Variants in TCF12 observed in about 807,000 individuals in gnomAD.
TCF12 encodes the protein DNA-binding protein HTF4.
Under a neutral mutation model 86.0 loss-of-function variants are expected in TCF12, and 45 were observed. The observed-to-expected ratio is 0.52, with a 90% CI of 0.41 to 0.67. The LOEUF is 0.67. TCF12 is among the 30% of genes least tolerant of loss of function. The probability of loss-of-function intolerance (pLI) is 0.00; values close to 1 mark genes in which losing one functional copy is unlikely to be tolerated. For missense variants in TCF12, 881 were observed against 859.9 expected (o/e 1.02, Z -0.31); for synonymous variants, 330 against 299.6 (o/e 1.10, Z -1.05).
At chr15:57,230,459 T>A (rs1190401321) in intron 8 of TCF12, among the ~76,000 whole-genome samples, 1 of 152,004 alleles carries the variant, frequency 6.6e-6, no homozygotes, top group Non-Finnish European at 1.5e-5. Context: ...GGAATGCAAA[T>A]GTTGGCCATT....
chr15:57,197,903 C>T (rs1169923696), intron 8 of TCF12, 78 bp downstream of exon 8: 2 of 1,435,146 alleles, frequency 1.4e-6, no homozygotes. Context: ...TACAAGGGTA[C>T]ATTCGATTGA....
At chr15:56,968,115 C>G (rs1595894043) in intron 3 of TCF12, among the ~76,000 whole-genome samples, 1 of 152,108 alleles carries the variant, frequency 6.6e-6, no homozygotes. Flanking sequence ...TGCCACAACG[C>G]CTGGCTAATT....
At chr15:57,237,440 C>A (rs1013588054) in intron 12 of TCF12, among the ~76,000 whole-genome samples, 1 of 152,030 alleles carries the variant, frequency 6.6e-6, no homozygotes, top group Non-Finnish European at 1.5e-5. Flanking sequence ...CTTATTGGCA[C>A]CCTGCTGATT....
chr15:56,989,782 A>G (rs2063353962), intron 3 of TCF12, among the ~76,000 whole-genome samples: 1 of 152,212 alleles, frequency 6.6e-6, no homozygotes, highest in South Asian at 2.1e-4. Flanking sequence ...CACCCTCTTC[A>G]GGAAACAGGA....
chr15:57,104,435 CTTTTTTTT>C (rs71113062), intron 5 of TCF12, among the ~76,000 whole-genome samples: 1 of 103,342 alleles, frequency 9.7e-6, no homozygotes, highest in East Asian at 2.8e-4. Context: ...TTTTTTTTTT[CTTTTTTTT>C]TTTTTTTTTT....
chr15:57,049,136 G>A (rs2067440011), intron 3 of TCF12, among the ~76,000 whole-genome samples: 1 of 152,182 alleles, frequency 6.6e-6, no homozygotes, highest in Non-Finnish European at 1.5e-5. Flanking sequence ...CCCACTTGCA[G>A]CAATTTGGGA....
intron 3 of TCF12, among the ~76,000 whole-genome samples, chr15:56,969,700 G>A (rs1367710951): frequency 2.6e-5 from 4 of 152,020 alleles, no homozygotes; most frequent in South Asian, 2.1e-4. Flanking sequence ...ACTGCACCTC[G>A]CCCATTTGGA....
intron 3 of TCF12, among the ~76,000 whole-genome samples, chr15:57,018,391 T>C (rs1442423975): frequency 6.6e-6 from 1 of 152,208 alleles, no homozygotes; most frequent in Non-Finnish European, 1.5e-5. Flanking sequence ...ACTGCATAGC[T>C]CAAGAGGCAG....
rs2062025567 is a variant in TCF12, at chr15:57,289,199, T to G, written c.*3054T>G. On this transcript the variant is annotated 3_prime_UTR_variant, in exon 21 of 21. Transcript: ENST00000333725. ...TATGAAATCCACTGTTCACATTGGG[T>G]GCCTAACAGAACATTTTGCTTCTTG... 2 of 152,230 alleles carry G rather than the reference T, an allele frequency of 1.3e-5. No homozygotes were observed. 9.4% of individuals were successfully genotyped at this position (152,230 alleles called of 1,614,324 possible). A position where few individuals can be genotyped will look rare whatever the true frequency, so the allele number is the denominator to read the frequency against.
intron 3 of TCF12, among the ~76,000 whole-genome samples, chr15:56,922,126 T>G (rs2059821938): frequency 6.6e-6 from 1 of 151,884 alleles, no homozygotes. Context: ...AATTGTTACT[T>G]TTTGGGGAGG....
intron 11 of TCF12, among the ~76,000 whole-genome samples, chr15:57,233,058 T>G (rs2059221399): frequency 1.6e-5 from 2 of 123,058 alleles, no homozygotes. Context: ...GTATATGTGT[T>G]ATATATGTAT....
At position 56,919,868 on chromosome 15, in the gene TCF12, C is replaced by G. The variant is rs769373698; in HGVS notation, c.-22-24C>G. 1.2e-6 allele frequency: 2 copies of G among 1,608,008 alleles called. 1 individual carries two copies. Among genetic ancestry groups the G allele is most frequent in the Middle Eastern group, 3.3e-4 (2 of 6,074 alleles). Reference sequence around the variant, plus strand: ...CACTTTGGGCCTCGGTGGTCTCTCGCTGAGCCCGTTTCCTCTGCCCTAGGA... The same window carrying G: ...CACTTTGGGCCTCGGTGGTCTCTCGGTGAGCCCGTTTCCTCTGCCCTAGGA... On this transcript the variant is annotated intron_variant, in intron 1 of 20. Transcript: ENST00000333725.
At chr15:57,053,354 T>C (rs149656468) in intron 3 of TCF12, among the ~76,000 whole-genome samples, 4 of 152,338 alleles carry the variant, frequency 2.6e-5, no homozygotes, top group South Asian at 2.1e-4. Flanking sequence ...GGGTTTCTTA[T>C]GTATGTTGGA....
In TCF12 at chr15:57,015,253, A is replaced by G. The variant is rs113863754; in HGVS notation, c.149-48497A>G. Reference sequence around the variant, plus strand: ...CAGTGAGCCAAGATTGTGCCACTGCACTCCAGCCTGGGCGATAGAGCCAGA... The same window carrying G: ...CAGTGAGCCAAGATTGTGCCACTGCGCTCCAGCCTGGGCGATAGAGCCAGA... On this transcript the variant is annotated intron_variant, in intron 3 of 20. Transcript: ENST00000333725. 5.0e-3 allele frequency among the ~76,000 whole-genome samples: 755 copies of G among 152,292 alleles called. 5 individuals carry two copies. Among genetic ancestry groups the G allele is most frequent in the African/African-American group, 0.017 (702 of 41,550 alleles).
chr15:57,251,145 T>C (rs1434460940), intron 13 of TCF12: 7 of 447,972 alleles, frequency 1.6e-5, no homozygotes, highest in African/African-American at 1.0e-4. Context: ...TTTTTTCTGT[T>C]TTCTCAGCAC....
In TCF12 at chr15:57,275,827, G is replaced by C. The variant is rs536882286; in HGVS notation, c.1978+2565G>C. On this transcript the variant is annotated intron_variant, in intron 19 of 20. Coordinates refer to ENST00000333725, the MANE Select transcript of TCF12 (RefSeq NM_207037.2). ...CACTGGATGCTTATTTTTACCAGGA[G>C]GCAAGCAGACCCAGGTCTAGCAGTT... Among the ~76,000 whole-genome samples the C allele has an allele frequency of 3.9e-5, 6 of 152,212 alleles. No individual in the cohort carries two copies. In the South Asian group the frequency reaches 1.2e-3, roughly 32 times the overall value.
intron 3 of TCF12, among the ~76,000 whole-genome samples, chr15:57,009,484 A>C (rs2064689695): frequency 6.6e-6 from 1 of 152,188 alleles, no homozygotes; most frequent in Non-Finnish European, 1.5e-5. Flanking sequence ...TGTGAATCCT[A>C]AGTATTCTGT....
At chr15:57,166,835 C>T (rs533782390) in intron 6 of TCF12, among the ~76,000 whole-genome samples, 3 of 152,276 alleles carry the variant, frequency 2.0e-5, no homozygotes, top group African/African-American at 7.2e-5. Flanking sequence ...TCAAACTGAT[C>T]ATTAATATTG....
At chr15:57,237,395 CTT>C (rs1462792621) in intron 12 of TCF12, among the ~76,000 whole-genome samples, 1 of 152,098 alleles carries the variant, frequency 6.6e-6, no homozygotes, top group Non-Finnish European at 1.5e-5. Context: ...TCCATTGTTT[CTT>C]TTTTGTCTAA....
Sources: gnomAD v4.1 joint callset for allele counts (sites outside exome capture counted in the v4.1 genomes callset) on GRCh38, gnomAD v4.1.1 for gene constraint, MANE v1.5 for transcripts, NCBI Gene and HGNC (gene_info 2026-07-23, HGNC 2026-07-21) for gene names.